Variants in CNBD1 observed in about 807,000 individuals in gnomAD.
CNBD1 encodes cyclic nucleotide-binding domain-containing protein 1.
In CNBD1, 71 loss-of-function variants were observed where a neutral mutation model predicts 54.4. The ratio of observed to expected loss-of-function variants is 1.30; its 90% CI spans 1.08 to 1.59. CNBD1 has a LOEUF of 1.59. Among genes scored for constraint, CNBD1 ranks in the 40% most tolerant of loss-of-function variants. The probability of loss-of-function intolerance (pLI) is 0.00; values close to 1 mark genes in which losing one functional copy is unlikely to be tolerated. For missense variants in CNBD1, 659 were observed against 518.0 expected, an observed-to-expected ratio of 1.27 and a Z score of -2.64; for synonymous variants, 182 against 170.7, an observed-to-expected ratio of 1.07 and a Z score of -0.51.
chr8:87,353,837 C>G (rs1475540136), intron 10 of CNBD1, 51 bp downstream of exon 10: 64 of 1,432,412 alleles, frequency 4.5e-5, no homozygotes, highest in Non-Finnish European at 2.7e-5. Flanking sequence ...TGGATGAGTT[C>G]TTAAATTTTT....
intron 8 of CNBD1, among the ~76,000 whole-genome samples, chr8:87,307,748 T>TTATATATATA (rs35262193): frequency 0.075 from 10,329 of 137,604 alleles, 501 homozygotes; most frequent in African/African-American, 0.092. Flanking sequence ...AAAAAAAAAA[T>TTATATATATA]TATATATATA....
intron 4 of CNBD1, among the ~76,000 whole-genome samples, chr8:87,034,227 T>G (rs770135790): frequency 1.3e-5 from 2 of 152,256 alleles, no homozygotes; most frequent in African/African-American, 2.4e-5. Flanking sequence ...ATAATTTGAC[T>G]TTTCTCTGCT....
intron 10 of CNBD1, among the ~76,000 whole-genome samples, chr8:87,356,710 G>T (rs1008186494): frequency 6.6e-6 from 1 of 152,154 alleles, no homozygotes; most frequent in East Asian, 1.9e-4. Flanking sequence ...GAGAAGGAAC[G>T]TGCATTTTCT....
intron 6 of CNBD1, among the ~76,000 whole-genome samples, chr8:87,267,698 A>G (rs1808289938): frequency 6.6e-6 from 1 of 152,224 alleles, no homozygotes; most frequent in African/African-American, 2.4e-5. Flanking sequence ...AATGGACTAC[A>G]TTAAACATTA....
At chr8:87,308,757 C>T (rs1379673217) in intron 8 of CNBD1, among the ~76,000 whole-genome samples, 2 of 152,008 alleles carry the variant, frequency 1.3e-5, no homozygotes, top group Non-Finnish European at 2.9e-5. Context: ...CTGACCCTTC[C>T]TAGCCTCTCA....
In CNBD1 at chr8:87,387,903, G is replaced by A. The variant is rs572350201; in HGVS notation, c.213+34117G>A. ...TAGAAAATAGAAATTATAACAAACTGTCTCTCAGACCACAGTGCAATCAAA... is the reference window on the plus strand; with the variant it reads ...TAGAAAATAGAAATTATAACAAACTATCTCTCAGACCACAGTGCAATCAAA... On this transcript the variant is annotated intron_variant, in intron 2 of 7. Transcript: ENST00000521593. Among the ~76,000 whole-genome samples, 15 of 152,134 alleles carry A rather than the reference G, an allele frequency of 9.9e-5. No individual in the cohort carries two copies. In the East Asian group the frequency reaches 1.4e-3, roughly 14 times the overall value.
intron 2 of CNBD1, among the ~76,000 whole-genome samples, chr8:87,424,632 C>T (rs955993766): frequency 6.6e-6 from 1 of 152,128 alleles, no homozygotes; most frequent in Non-Finnish European, 1.5e-5. Flanking sequence ...GCACTGTGGT[C>T]TGAGAGAGAC....
chr8:87,323,851 T>C (rs1217592894), intron 8 of CNBD1, among the ~76,000 whole-genome samples: 1 of 129,192 alleles, frequency 7.7e-6, no homozygotes, highest in Non-Finnish European at 1.7e-5. Flanking sequence ...TGAATAGGAG[T>C]GGTGAGAGAG....
intron 3 of CNBD1, among the ~76,000 whole-genome samples, chr8:86,914,351 G>A (rs151042368): frequency 2.6e-5 from 4 of 152,250 alleles, no homozygotes; most frequent in Non-Finnish European, 4.4e-5. Flanking sequence ...CTGACTTCCC[G>A]CAACACATTG....
At chr8:86,913,977 T>C (rs1304044298) in intron 3 of CNBD1, among the ~76,000 whole-genome samples, 1 of 152,088 alleles carries the variant, frequency 6.6e-6, no homozygotes. Context: ...GTGATATTTC[T>C]CTTACCCGTT....
chr8:87,152,717 G>A (rs2130750372), intron 4 of CNBD1, among the ~76,000 whole-genome samples: 1 of 151,930 alleles, frequency 6.6e-6, no homozygotes, highest in South Asian at 2.1e-4. Flanking sequence ...TTTTACAGTG[G>A]GATTTCTATT....
intron 2 of CNBD1, among the ~76,000 whole-genome samples, chr8:87,420,579 G>T (rs555022488): frequency 1.4e-4 from 21 of 152,116 alleles, no homozygotes; most frequent in Non-Finnish European, 2.9e-4. Context: ...GTCACTTACA[G>T]TTACTTGAGG....
chr8:87,174,521 A>G (rs533266105), intron 4 of CNBD1, among the ~76,000 whole-genome samples: 1 of 152,144 alleles, frequency 6.6e-6, no homozygotes, highest in South Asian at 2.1e-4. Flanking sequence ...CAAATCAGCT[A>G]TTTTGAATTC....
chr8:86,948,050 T>G (rs1271509567), intron 4 of CNBD1, among the ~76,000 whole-genome samples: 1 of 152,160 alleles, frequency 6.6e-6, no homozygotes, highest in African/African-American at 2.4e-5. Context: ...TTTAATATAA[T>G]GACCTCCAGT....
At chr8:86,958,324 A>C (rs1351893500) in intron 4 of CNBD1, among the ~76,000 whole-genome samples, 15 of 152,130 alleles carry the variant, frequency 9.9e-5, no homozygotes, top group Admixed American at 3.3e-4. Flanking sequence ...TGGCATGGAG[A>C]GTTCTGTAGG....
chr8:87,259,714 A>G (rs1465354581), intron 6 of CNBD1, among the ~76,000 whole-genome samples: 7 of 152,088 alleles, frequency 4.6e-5, no homozygotes, highest in African/African-American at 1.7e-4. Flanking sequence ...TTAATTGGTT[A>G]TTGGCTTTGG....
At chr8:87,191,901 C>G (rs542446845) in intron 4 of CNBD1, among the ~76,000 whole-genome samples, 1 of 152,014 alleles carries the variant, frequency 6.6e-6, no homozygotes, top group Non-Finnish European at 1.5e-5. Flanking sequence ...TTCTAAATCT[C>G]CTAGCGCATA....
intron 4 of CNBD1, among the ~76,000 whole-genome samples, chr8:87,095,937 C>A (rs1046661124): frequency 2.0e-5 from 3 of 152,216 alleles, no homozygotes; most frequent in Non-Finnish European, 2.9e-5. Context: ...GGATTACAGG[C>A]ATGAGCCACA....
At chr8:86,870,702 T>G (rs544420086) in intron 1 of CNBD1, among the ~76,000 whole-genome samples, 1 of 152,268 alleles carries the variant, frequency 6.6e-6, no homozygotes, top group South Asian at 2.1e-4. Flanking sequence ...TTAAAAGTTT[T>G]AAACCATTCA....
Sources: gnomAD v4.1 joint callset for allele counts (sites outside exome capture counted in the v4.1 genomes callset) on GRCh38, gnomAD v4.1.1 for gene constraint, MANE v1.5 for transcripts, NCBI Gene and HGNC (gene_info 2026-07-23, HGNC 2026-07-21) for gene names.